CSDE1: variants seen among roughly 807,000 people sequenced by gnomAD.
The protein encoded by CSDE1 is cold shock domain containing E1.
CSDE1 carries 17 observed loss-of-function variants against 89.3 expected under a neutral mutation model. The ratio of observed to expected loss-of-function variants is 0.19; its 90% CI spans 0.13 to 0.29. The LOEUF (loss-of-function observed/expected upper bound fraction) is 0.29. Among genes scored for constraint, CSDE1 ranks in the 10% least tolerant of loss-of-function variants. CSDE1 has a pLI of 1.00. For synonymous variants in CSDE1, 322 were observed against 332.8 expected, an observed-to-expected ratio of 0.97 and a Z score of 0.35; for missense variants, 672 against 984.2, an observed-to-expected ratio of 0.68 and a Z score of 4.24.
At chr1:114,740,566 A>C (rs1390656875) in intron 2 of CSDE1, among the ~76,000 whole-genome samples, 1 of 152,212 alleles carries the variant, frequency 6.6e-6, no homozygotes, top group East Asian at 1.9e-4. Context: ...ATTTAAAGAA[A>C]TCTTTACCTA....
chr1:114,737,348 A>T, intron 5 of CSDE1, 123 bp downstream of exon 5: 1 of 828,928 alleles, frequency 1.2e-6, no homozygotes, highest in Non-Finnish European at 1.9e-6. Flanking sequence ...GAAGCCTCTT[A>T]GAAACCAAAT....
At position 114,754,505 on chromosome 1, in the gene CSDE1, CAA is replaced by C. The variant is rs374754247; in HGVS notation, c.-388+3418_-388+3419del. Among the ~76,000 whole-genome samples, 1,321 of 152,312 alleles carry C rather than the reference CAA, an allele frequency of 8.7e-3. 18 individuals are homozygous for C. Among genetic ancestry groups the C allele is most frequent in the African/African-American group, 0.03 (1,240 of 41,560 alleles). ...GTTAATGAAAGGCTAAGCCAGTCTA[CAA>C]AAGTCTGCTCACCTAACCCACTTCC... On this transcript the variant is annotated intron_variant, in intron 1 of 19. Coordinates refer to ENST00000358528, the MANE Select transcript of CSDE1 (RefSeq NM_001007553.3).
chr1:114,737,198 TC>T (rs545603821), intron 5 of CSDE1, among the ~76,000 whole-genome samples: 1 of 150,932 alleles, frequency 6.6e-6, no homozygotes, highest in Non-Finnish European at 1.5e-5. Flanking sequence ...CAGAAAAAGA[TC>T]CCCCCCACAA....
At chr1:114,730,746 C>T in intron 10 of CSDE1, 98 bp from the exon 11 acceptor site, 1 of 1,387,954 alleles carries the variant, frequency 7.2e-7, no homozygotes, top group South Asian at 1.3e-5. Context: ...CAGGAATTTT[C>T]TCTGATGTGA....
chr1:114,719,526 A>C, intron 18 of CSDE1, 53 bp downstream of exon 18: 2 of 1,543,686 alleles, frequency 1.3e-6, no homozygotes, highest in East Asian at 4.6e-5. Flanking sequence ...AGAGACTATA[A>C]AGTTGAGACA....
At chr1:114,721,203 C>CA (rs1437279305) in intron 16 of CSDE1, among the ~76,000 whole-genome samples, 2 of 152,136 alleles carry the variant, frequency 1.3e-5, no homozygotes, top group African/African-American at 4.8e-5. Flanking sequence ...CTGGCTCCCT[C>CA]ACATAGGTTC....
intron 1 of CSDE1, among the ~76,000 whole-genome samples, chr1:114,754,006 T>G (rs1285941791): frequency 6.6e-6 from 1 of 152,252 alleles, no homozygotes; most frequent in Non-Finnish European, 1.5e-5. Flanking sequence ...TACTGTGTGC[T>G]AAGTAATCAA....
intron 5 of CSDE1, 32 bp from the exon 6 acceptor site, chr1:114,736,887 G>C: frequency 6.6e-7 from 1 of 1,524,086 alleles, no homozygotes. Flanking sequence ...TTACTATTTT[G>C]GCAGGATGCA....
rs1046251132 is a variant in CSDE1 at position 114,717,296 on chromosome 1, A to T, written c.*873T>A. 6.6e-6 allele frequency: 1 copy of T among 152,568 alleles called. No individual in the cohort carries two copies. Among genetic ancestry groups the T allele is most frequent in the African/African-American group, 2.4e-5 (1 of 41,436 alleles). 9.5% of individuals were successfully genotyped at this position (152,568 alleles called of 1,614,324 possible). ...TATAAAAAAAAACAAGATTCATTTC[A>T]GGCACAACTTTTTTATTTTTTTTTG... On this transcript the variant is annotated 3_prime_UTR_variant, in exon 20 of 20. Transcript: ENST00000358528.
chr1:114,743,101 T>C (rs1024124568), intron 2 of CSDE1, among the ~76,000 whole-genome samples: 5 of 152,226 alleles, frequency 3.3e-5, no homozygotes, highest in Admixed American at 2.0e-4. Context: ...TCTAGATCAC[T>C]GAGGGACTTT....
chr1:114,726,035 C>G (rs906214014), intron 14 of CSDE1, among the ~76,000 whole-genome samples, 176 bp downstream of exon 14: 1 of 152,222 alleles, frequency 6.6e-6, no homozygotes, highest in African/African-American at 2.4e-5. Context: ...CTTTTGGCCA[C>G]AGGCTCTGTA....
intron 2 of CSDE1, among the ~76,000 whole-genome samples, chr1:114,744,719 G>C (rs1029286488): frequency 6.6e-6 from 1 of 152,032 alleles, no homozygotes; most frequent in African/African-American, 2.4e-5. Context: ...ACAAGGGACT[G>C]ATATCTGATT....
At chr1:114,726,420 T>A in intron 13 of CSDE1, 34 bp from the exon 14 acceptor site, 1 of 1,562,678 alleles carries the variant, frequency 6.4e-7, no homozygotes, top group Non-Finnish European at 8.7e-7. Flanking sequence ...TAACACCATA[T>A]CACTTCCACA....
intron 2 of CSDE1, among the ~76,000 whole-genome samples, chr1:114,745,674 T>C (rs1660974132): frequency 6.6e-6 from 1 of 152,202 alleles, no homozygotes; most frequent in African/African-American, 2.4e-5. Flanking sequence ...CAGACAAATA[T>C]CTCCAGCCTC....
chr1:114,719,445 A>G (rs2101005046), intron 18 of CSDE1, 134 bp downstream of exon 18: 1 of 956,420 alleles, frequency 1.0e-6, no homozygotes, highest in East Asian at 2.7e-5. Flanking sequence ...TTTGTATTCA[A>G]CTAGAAGTAG....
chr1:114,750,381 A>G (rs1340773587), intron 1 of CSDE1, among the ~76,000 whole-genome samples, 174 bp from the exon 2 acceptor site: 3 of 152,210 alleles, frequency 2.0e-5, no homozygotes, highest in Non-Finnish European at 4.4e-5. Context: ...CTCAAGTACT[A>G]GCAACTACCT....
chr1:114,747,283 G>T lies in CSDE1; in HGVS notation c.-1+2538C>A, dbSNP rs528453093. Among the ~76,000 whole-genome samples, 3 of 152,000 alleles carry T rather than the reference G, an allele frequency of 2.0e-5. No homozygotes were observed. The South Asian group carries it at 6.2e-4, about 31-fold the overall frequency. ...CAAAACCCCCCTTTAAAATCTGGGG[G>T]TTCCATTGCATTACCAAATCTGTTT... On this transcript the variant is annotated intron_variant, in intron 2 of 19. Transcript: ENST00000358528.
At chr1:114,725,983 G>A (rs1349127635) in intron 14 of CSDE1, among the ~76,000 whole-genome samples, 1 of 152,062 alleles carries the variant, frequency 6.6e-6, no homozygotes, top group African/African-American at 2.4e-5. Context: ...CCAACTCTAT[G>A]GTACCAACAC....
chr1:114,718,803 T>C, intron 18 of CSDE1, 58 bp from the exon 19 acceptor site: 1 of 1,590,930 alleles, frequency 6.3e-7, no homozygotes, highest in South Asian at 1.1e-5. Context: ...CAGCAAGCAC[T>C]TGCAAAGGAG....
Sources: gnomAD v4.1 joint callset for allele counts (sites outside exome capture counted in the v4.1 genomes callset) on GRCh38, gnomAD v4.1.1 for gene constraint, MANE v1.5 for transcripts, NCBI Gene and HGNC (gene_info 2026-07-23, HGNC 2026-07-21) for gene names.